Variants in ARHGEF10 observed in about 807,000 individuals in gnomAD.
ARHGEF10 encodes the protein Rho guanine nucleotide exchange factor (GEF) 10.
ARHGEF10 carries 140 observed loss-of-function variants against 147.4 expected under a neutral mutation model. That is an observed-to-expected ratio of 0.95 (90% CI 0.83 to 1.09). The LOEUF (loss-of-function observed/expected upper bound fraction) is 1.09. Ranked by LOEUF, ARHGEF10 falls within the 50% of genes least tolerant of loss-of-function variation. The probability of loss-of-function intolerance (pLI) is 0.00; values close to 1 mark genes in which losing one functional copy is unlikely to be tolerated. For synonymous variants in ARHGEF10, 902 were observed against 695.8 expected (o/e 1.30, Z -4.67); for missense variants, 2,222 against 1,752.7 (o/e 1.27, Z -4.78).
chr8:1,880,323 G>A (rs1808080172), intron 9 of ARHGEF10, among the ~76,000 whole-genome samples, 159 bp downstream of exon 9: 1 of 152,234 alleles, frequency 6.6e-6, no homozygotes, highest in Admixed American at 6.5e-5. Flanking sequence ...TGGACTCTGA[G>A]ACGCTCTGTG....
chr8:1,935,990 A>AGT (rs1813569353), intron 26 of ARHGEF10, among the ~76,000 whole-genome samples: 1 of 152,228 alleles, frequency 6.6e-6, no homozygotes. Context: ...GTGACGTGCC[A>AGT]GCGTGTGTGT....
At chr8:1,867,101 G>T (rs1204567333) in intron 6 of ARHGEF10, among the ~76,000 whole-genome samples, 1 of 151,812 alleles carries the variant, frequency 6.6e-6, no homozygotes, top group Non-Finnish European at 1.5e-5. Context: ...TTTAAATGGG[G>T]ATTCCCGAAT....
intron 19 of ARHGEF10, 105 bp from the exon 20 acceptor site, chr8:1,923,363 C>G: frequency 5.9e-6 from 9 of 1,516,388 alleles, no homozygotes; most frequent in Non-Finnish European, 7.3e-6. Context: ...CTAATAGTTT[C>G]ATTTGGTCTG....
At chr8:1,857,923 T>C (rs1448832080) in intron 2 of ARHGEF10, 37 bp from the exon 3 acceptor site, 3 of 1,495,274 alleles carry the variant, frequency 2.0e-6, no homozygotes, top group South Asian at 2.3e-5. Context: ...TCTATCTATC[T>C]ATCTCTCCTT....
At chr8:1,827,181 G>A (rs775124797) in intron 1 of ARHGEF10, among the ~76,000 whole-genome samples, 1 of 152,220 alleles carries the variant, frequency 6.6e-6, no homozygotes, top group Non-Finnish European at 1.5e-5. Flanking sequence ...CCCCCACGCT[G>A]ATACACACAC....
At position 1,907,792 on chromosome 8, in the gene ARHGEF10, A is replaced by G. The variant is rs907745601; in HGVS notation, c.1968-1503A>G. ...GAGTCGCAATTCCTTTCCCATGGAC[A>G]TGTTGTCAGTGTGAGATTTTCAGCG... On this transcript the variant is annotated intron_variant, in intron 17 of 28. Transcript: ENST00000349830. Among the ~76,000 whole-genome samples, 7 of 152,078 alleles carry G rather than the reference A, an allele frequency of 4.6e-5. No individual in the cohort carries two copies. In the South Asian group the frequency reaches 8.3e-4, roughly 18 times the overall value.
intron 25 of ARHGEF10, among the ~76,000 whole-genome samples, chr8:1,931,163 A>T (rs1478084223): frequency 6.6e-6 from 1 of 152,198 alleles, no homozygotes; most frequent in Admixed American, 6.5e-5. Flanking sequence ...GCCCCTCCGC[A>T]TGTGCGCCGA....
chr8:1,879,139 A>T (rs529493444), intron 8 of ARHGEF10, among the ~76,000 whole-genome samples: 224 of 152,352 alleles, frequency 1.5e-3, no homozygotes, highest in African/African-American at 5.2e-3. Flanking sequence ...AAAACTTCCT[A>T]AAGTGTCTGT....
chr8:1,864,226 A>C (rs1230699440), intron 4 of ARHGEF10, 147 bp from the exon 5 acceptor site: 2 of 789,064 alleles, frequency 2.5e-6, no homozygotes, highest in Non-Finnish European at 4.3e-6. Flanking sequence ...AAGAGCTAAA[A>C]ATTTTTAAGT....
intron 1 of ARHGEF10, among the ~76,000 whole-genome samples, chr8:1,831,163 A>C (rs1803074197): frequency 6.6e-6 from 1 of 151,958 alleles, no homozygotes; most frequent in African/African-American, 2.4e-5. Context: ...GGGCCATGTG[A>C]CAGAGAGCTG....
intron 1 of ARHGEF10, among the ~76,000 whole-genome samples, chr8:1,826,806 A>G (rs1450673411): frequency 2.6e-5 from 4 of 152,206 alleles, no homozygotes; most frequent in Non-Finnish European, 5.9e-5. Context: ...TGCTCAGAGA[A>G]TCTGTGTTTC....
At chr8:1,910,071 A>G (rs1051231592) in intron 18 of ARHGEF10, among the ~76,000 whole-genome samples, 6 of 152,132 alleles carry the variant, frequency 3.9e-5, no homozygotes, top group African/African-American at 1.4e-4. Flanking sequence ...TAGTGTAAAA[A>G]TCATTACCTT....
chr8:1,875,507 C>T (rs1476075644), intron 7 of ARHGEF10, among the ~76,000 whole-genome samples: 1 of 152,170 alleles, frequency 6.6e-6, no homozygotes, highest in Non-Finnish European at 1.5e-5. Flanking sequence ...AGCTGAGTTG[C>T]TGAGACTGCT....
chr8:1,862,216 G>C (rs1329272288), intron 4 of ARHGEF10, among the ~76,000 whole-genome samples: 1 of 152,226 alleles, frequency 6.6e-6, no homozygotes, highest in Non-Finnish European at 1.5e-5. Context: ...CCTTGCTCTG[G>C]AGCCTCCCTG....
chr8:1,858,883 G>A, intron 3 of ARHGEF10: 1 of 181,318 alleles, frequency 5.5e-6, no homozygotes, highest in Non-Finnish European at 1.2e-5. Flanking sequence ...TTTGGGTGCA[G>A]CACCAGCCTC....
chr8:1,910,352 G>A lies in ARHGEF10; in HGVS notation c.2143+882G>A, dbSNP rs545126775. Among the ~76,000 whole-genome samples the A allele has an allele frequency of 2.0e-5, 3 of 152,294 alleles. No homozygotes were observed. The East Asian group carries it at 5.8e-4, about 29-fold the overall frequency. On this transcript the variant is annotated intron_variant, in intron 18 of 28. Transcript: ENST00000349830. ...CAGAACATGATGTAAGGAGTATTAGGTCTAATTCGCTTTGGGACCGCTTTT... is the reference window on the plus strand; with the variant it reads ...CAGAACATGATGTAAGGAGTATTAGATCTAATTCGCTTTGGGACCGCTTTT...
chr8:1,947,734 C>T (rs1278262086), intron 27 of ARHGEF10, among the ~76,000 whole-genome samples: 1 of 148,430 alleles, frequency 6.7e-6, no homozygotes, highest in Non-Finnish European at 1.5e-5. Context: ...TGTCAGCACC[C>T]GCCCCGGCCC....
chr8:1,843,724 G>A (rs1804276581), intron 2 of ARHGEF10, among the ~76,000 whole-genome samples: 1 of 152,214 alleles, frequency 6.6e-6, no homozygotes. Flanking sequence ...TTAGCCTGAT[G>A]CAATCGGAGA....
At chr8:1,892,330 T>C (rs1809607370) in intron 11 of ARHGEF10, among the ~76,000 whole-genome samples, 1 of 144,682 alleles carries the variant, frequency 6.9e-6, no homozygotes, top group Non-Finnish European at 1.5e-5. Context: ...TGTGTGTGTT[T>C]AATCCCAGCG....
Sources: allele counts gnomAD v4.1 joint callset (sites outside exome capture counted in the v4.1 genomes callset), GRCh38; gene constraint gnomAD v4.1.1; transcripts MANE v1.5; gene names NCBI Gene and HGNC (gene_info 2026-07-23, HGNC 2026-07-21).